The following TXNDC16 variants were observed in gnomAD, a reference collection of about 807,000 sequenced individuals.
TXNDC16 encodes the protein thioredoxin domain-containing protein 16.
Under a neutral mutation model 85.6 loss-of-function variants are expected in TXNDC16, and 74 were observed. That is an observed-to-expected ratio of 0.86 (90% CI 0.72 to 1.05). TXNDC16 has a LOEUF of 1.05. TXNDC16 is among the 50% of genes least tolerant of loss of function. The probability of loss-of-function intolerance (pLI) is 0.00; values close to 1 mark genes in which losing one functional copy is unlikely to be tolerated. For synonymous variants in TXNDC16, 335 were observed against 326.5 expected (o/e 1.03, Z -0.28); for missense variants, 959 against 947.0 (o/e 1.01, Z -0.17).
intron 4 of TXNDC16, among the ~76,000 whole-genome samples, chr14:52,541,339 A>C (rs975964057): frequency 3.3e-5 from 5 of 152,164 alleles, no homozygotes; most frequent in African/African-American, 1.2e-4. Context: ...CATAGTTATT[A>C]GCGACAGTCT....
At chr14:52,528,174 C>T (rs1220606542) in intron 6 of TXNDC16, among the ~76,000 whole-genome samples, 3 of 152,060 alleles carry the variant, frequency 2.0e-5, no homozygotes, top group African/African-American at 7.2e-5. Context: ...ATCTTTTCTG[C>T]TGACGAAGTA....
intron 4 of TXNDC16, among the ~76,000 whole-genome samples, chr14:52,538,553 G>A (rs755287133): frequency 6.6e-6 from 1 of 152,052 alleles, no homozygotes; most frequent in Non-Finnish European, 1.5e-5. Flanking sequence ...AAGGACAGAA[G>A]ACATACAAAA....
chr14:52,472,834 C>G (rs564264892), intron 14 of TXNDC16, among the ~76,000 whole-genome samples: 1 of 152,078 alleles, frequency 6.6e-6, no homozygotes, highest in Admixed American at 6.5e-5. Context: ...AAAAGCAGCC[C>G]CAAATCTTTT....
intron 6 of TXNDC16, among the ~76,000 whole-genome samples, chr14:52,527,428 T>A (rs549337899): frequency 6.7e-6 from 1 of 150,234 alleles, no homozygotes; most frequent in African/African-American, 2.4e-5. Context: ...AGAGGAAAAA[T>A]GATTTTTGTT....
intron 14 of TXNDC16, among the ~76,000 whole-genome samples, chr14:52,478,553 C>A (rs949952232): frequency 6.6e-6 from 1 of 151,986 alleles, no homozygotes; most frequent in Non-Finnish European, 1.5e-5. Context: ...TGCACATAAA[C>A]TGGAAAACCT....
chr14:52,488,367 A>T lies in TXNDC16; in HGVS notation c.1104T>A (p.Asp368Glu), dbSNP rs753901745. 7 of 1,613,366 alleles carry T rather than the reference A, an allele frequency of 4.3e-6. No homozygotes were observed. In the South Asian group the frequency reaches 6.6e-5, roughly 15 times the overall value. Residue 368 changes from aspartate to glutamate, a missense_variant, in exon 12 of 21, where the codon GAT becomes GAA. Asp to Glu is a conservative substitution (Grantham distance 45). Transcript: ENST00000281741. ...EDEDNDMEGPDIDVQDDEVAE... is the reference protein window; with the variant it reads ...EDEDNDMEGPEIDVQDDEVAE... ...GTGAGAATCATAACACATTACCTAT[A>T]TCTGGACCTTCCATGTCATTGTCTT...
At chr14:52,525,286 AAC>A (rs1446005353) in intron 6 of TXNDC16, among the ~76,000 whole-genome samples, 1 of 152,140 alleles carries the variant, frequency 6.6e-6, no homozygotes, top group Non-Finnish European at 1.5e-5. Flanking sequence ...CAAAATCCGT[AAC>A]ACATTATTTT....
chr14:52,537,812 C>CTG, intron 4 of TXNDC16, 140 bp from the exon 5 acceptor site: 1 of 584,926 alleles, frequency 1.7e-6, no homozygotes, highest in Non-Finnish European at 3.0e-6. Flanking sequence ...GATTTGTATG[C>CTG]TATAATTGTT....
rs942340412 is a variant in TXNDC16 at position 52,529,244 on chromosome 14, G to A, written c.392+7475C>T. Among the ~76,000 whole-genome samples, 110 of 148,360 alleles carry A rather than the reference G, an allele frequency of 7.4e-4. 1 individual carries two copies. Among genetic ancestry groups the A allele is most frequent in the African/African-American group, 2.3e-3 (94 of 40,592 alleles). On this transcript the variant is annotated intron_variant, in intron 6 of 20. Transcript: ENST00000281741. ...TCGCAAGGACAAAAAACCAAACACC[G>A]CATGTTCTCACACATAGGTGGGAAT...
At chr14:52,452,901 C>A (rs886743921) in intron 18 of TXNDC16, among the ~76,000 whole-genome samples, 1 of 151,952 alleles carries the variant, frequency 6.6e-6, no homozygotes, top group Non-Finnish European at 1.5e-5. Context: ...AGAGAGCCCA[C>A]AGAATGGGAG....
chr14:52,512,458 G>C (rs982292866), intron 8 of TXNDC16, among the ~76,000 whole-genome samples: 6 of 152,110 alleles, frequency 3.9e-5, no homozygotes, highest in African/African-American at 1.2e-4. Flanking sequence ...TAGGACAAAT[G>C]AGCATTTCAA....
At chr14:52,525,397 T>C (rs2037304704) in intron 6 of TXNDC16, among the ~76,000 whole-genome samples, 2 of 151,682 alleles carry the variant, frequency 1.3e-5, no homozygotes, top group Non-Finnish European at 2.9e-5. Flanking sequence ...TCTCAATCAA[T>C]AAAAATTAGT....
chr14:52,480,737 G>A lies in TXNDC16; in HGVS notation c.1312+1493C>T, dbSNP rs562961762. Among the ~76,000 whole-genome samples, 20 of 152,012 alleles carry A rather than the reference G, an allele frequency of 1.3e-4. No individual in the cohort carries two copies. In the South Asian group the frequency reaches 2.3e-3, roughly 17 times the overall value. On this transcript the variant is annotated intron_variant, in intron 14 of 20. Coordinates refer to ENST00000281741, the MANE Select transcript of TXNDC16 (RefSeq NM_020784.3). ...ACTCTGCTGGTGGGAATGTAAACTA[G>A]TACAACCACTGTGGAAAACAGTGTG... is the stretch of plus-strand genomic sequence containing the variant.
rs2037846120 is a variant in TXNDC16, at chr14:52,542,243, T to C, written c.243+128A>G. The C allele has an allele frequency of 4.6e-6, 3 of 648,144 alleles. No homozygotes were observed. In the South Asian group the frequency reaches 7.0e-5, roughly 15 times the overall value. The allele number at this position is 648,144 out of a possible 1,614,324, so 40.1% of individuals were successfully genotyped here. A position where few individuals can be genotyped will look rare whatever the true frequency, so the allele number is the denominator to read the frequency against. On this transcript the variant is annotated intron_variant, in intron 4 of 20. Coordinates refer to ENST00000281741, the MANE Select transcript of TXNDC16 (RefSeq NM_020784.3). ...ATCTTTCTGGGCTTCTGTTTATTCT[T>C]ATGAAAAAAATATATTTCCAGTTTG...
intron 18 of TXNDC16, among the ~76,000 whole-genome samples, chr14:52,452,662 C>T (rs1372771648): frequency 6.6e-6 from 1 of 152,142 alleles, no homozygotes; most frequent in Non-Finnish European, 1.5e-5. Flanking sequence ...TATCTCTCAT[C>T]ATATACAAAA....
At chr14:52,499,496 G>A (rs1370719837) in intron 9 of TXNDC16, among the ~76,000 whole-genome samples, 4 of 150,910 alleles carry the variant, frequency 2.7e-5, no homozygotes, top group Admixed American at 2.0e-4. Context: ...TTCCAAAGAA[G>A]ATACACAAAT....
chr14:52,515,669 ATGTGTGTGTGTGTG>A (rs57407287), intron 7 of TXNDC16, among the ~76,000 whole-genome samples: 17 of 144,348 alleles, frequency 1.2e-4, no homozygotes, highest in Middle Eastern at 3.5e-3. Context: ...TTTCATACAT[ATGTGTGTGTGTGTG>A]TGTGTGTGTG....
intron 6 of TXNDC16, among the ~76,000 whole-genome samples, chr14:52,525,724 AAT>A (rs2037317172): frequency 7.1e-6 from 1 of 140,598 alleles, no homozygotes; most frequent in African/African-American, 2.6e-5. Flanking sequence ...TAATAATAAT[AAT>A]AATAATAATA....
chr14:52,499,876 G>C (rs1354472531), intron 9 of TXNDC16, among the ~76,000 whole-genome samples: 1 of 151,946 alleles, frequency 6.6e-6, no homozygotes, highest in Non-Finnish European at 1.5e-5. Context: ...ATCATCTCTA[G>C]ATTATTTATA....
Sources: gnomAD v4.1 joint callset for allele counts (sites outside exome capture counted in the v4.1 genomes callset) on GRCh38, gnomAD v4.1.1 for gene constraint, MANE v1.5 for transcripts, NCBI Gene and HGNC (gene_info 2026-07-23, HGNC 2026-07-21) for gene names.